Variants in RPA3 observed in about 807,000 individuals in gnomAD.
RPA3 encodes replication protein A 14 kDa subunit.
In RPA3, 24 loss-of-function variants were observed where a neutral mutation model predicts 13.7. That is an observed-to-expected ratio of 1.75 (90% CI 1.27 to 2.46). The LOEUF is 2.46. Among genes scored for constraint, RPA3 ranks in the 30% most tolerant of loss-of-function variants. The probability of loss-of-function intolerance (pLI) is 0.00; values close to 1 mark genes in which losing one functional copy is unlikely to be tolerated. For missense variants in RPA3, 183 were observed against 151.0 expected, an observed-to-expected ratio of 1.21 and a Z score of -1.11; for synonymous variants, 59 against 51.2, an observed-to-expected ratio of 1.15 and a Z score of -0.65.
chr7:7,647,328 G>C (rs1483599858), intron 4 of RPA3, among the ~76,000 whole-genome samples: 3 of 152,074 alleles, frequency 2.0e-5, no homozygotes, highest in Non-Finnish European at 2.9e-5. Flanking sequence ...ATAATCTGAG[G>C]GTATGGTTTG....
At chr7:7,673,501 T>A in intron 4 of RPA3, 1 of 682,404 alleles carries the variant, frequency 1.5e-6, no homozygotes, top group Non-Finnish European at 2.6e-6. Flanking sequence ...ATGTTCTCTT[T>A]AAAAAATTAC....
At chr7:7,659,718 C>A (rs1347384949) in intron 4 of RPA3, among the ~76,000 whole-genome samples, 1 of 152,076 alleles carries the variant, frequency 6.6e-6, no homozygotes, top group East Asian at 1.9e-4. Context: ...GTTTTACTTC[C>A]AATTATGTGG....
intron 4 of RPA3, among the ~76,000 whole-genome samples, chr7:7,648,905 T>C (rs1583691609): frequency 1.3e-5 from 2 of 151,538 alleles, no homozygotes; most frequent in East Asian, 3.9e-4. Flanking sequence ...ACACTTGTAA[T>C]CCCAGCACTT....
At chr7:7,660,925 C>G (rs573554968) in intron 4 of RPA3, among the ~76,000 whole-genome samples, 92 of 152,338 alleles carry the variant, frequency 6.0e-4, no homozygotes, top group African/African-American at 2.0e-3. Context: ...CTCCCTGTCA[C>G]TTTCGGGTAC....
chr7:7,638,018 G>T, intron 6 of RPA3, 46 bp from the exon 7 acceptor site: 2 of 1,471,500 alleles, frequency 1.4e-6, no homozygotes, highest in Non-Finnish European at 1.9e-6. Context: ...CACATTTTCA[G>T]TTGACAATTA....
chr7:7,685,625 T>A (rs1780026608), intron 4 of RPA3, among the ~76,000 whole-genome samples: 1 of 152,194 alleles, frequency 6.6e-6, no homozygotes, highest in Admixed American at 6.5e-5. Flanking sequence ...TCTTTATAAA[T>A]GTGAATTTCT....
chr7:7,652,808 T>G (rs1199033332), intron 4 of RPA3, among the ~76,000 whole-genome samples: 3 of 152,224 alleles, frequency 2.0e-5, no homozygotes, highest in Non-Finnish European at 4.4e-5. Context: ...TAGTAAGCCT[T>G]CTGATGATGC....
chr7:7,651,561 C>T (rs1455864673), intron 4 of RPA3, among the ~76,000 whole-genome samples: 3 of 152,164 alleles, frequency 2.0e-5, no homozygotes, highest in Non-Finnish European at 4.4e-5. Flanking sequence ...TTTCCATCCT[C>T]ATGTTGATCT....
intron 2 of RPA3, among the ~76,000 whole-genome samples, chr7:7,699,103 C>T (rs985660110): frequency 6.6e-6 from 1 of 151,688 alleles, no homozygotes; most frequent in African/African-American, 2.4e-5. Flanking sequence ...TCTTTGCCTG[C>T]CTTGGCTTCC....
At chr7:7,689,993 G>C (rs1780136601) in intron 2 of RPA3, among the ~76,000 whole-genome samples, 1 of 152,124 alleles carries the variant, frequency 6.6e-6, no homozygotes. Flanking sequence ...TAAGAAATTG[G>C]TTGAGGGTTT....
chr7:7,706,469 A>G (rs988486755), intron 2 of RPA3, among the ~76,000 whole-genome samples: 1 of 152,200 alleles, frequency 6.6e-6, no homozygotes, highest in Non-Finnish European at 1.5e-5. Flanking sequence ...CCTATATAAC[A>G]ATGCTAACAA....
Position 7,636,520 on chromosome 7 carries a change from T to C in RPA3, c.*480A>G, listed in dbSNP as rs1480289293. On this transcript the variant is annotated 3_prime_UTR_variant, in exon 8 of 8. Coordinates refer to ENST00000223129, the MANE Select transcript of RPA3 (RefSeq NM_002947.5). ...GGCCAGTCTCTGTTTGCCTTTTTAA[T>C]GTCATCTACTTCATTTTGTAAGTAG... 6.5e-6 allele frequency: 1 copy of C among 154,390 alleles called. No individual in the cohort carries two copies. Among genetic ancestry groups the C allele is most frequent in the Non-Finnish European group, 1.4e-5 (1 of 69,692 alleles). The allele number at this position is 154,390 out of a possible 1,614,324, so 9.6% of individuals were successfully genotyped here.
At chr7:7,676,751 G>A (rs1419738808) in intron 4 of RPA3, among the ~76,000 whole-genome samples, 1 of 152,036 alleles carries the variant, frequency 6.6e-6, no homozygotes. Flanking sequence ...AGTTGAAATT[G>A]GAAGTTGGTA....
In RPA3 at chr7:7,638,966, T is replaced by G. The variant is rs532009768; in HGVS notation, c.174+104A>C. On this transcript the variant is annotated intron_variant, in intron 6 of 7. Coordinates refer to ENST00000223129, the MANE Select transcript of RPA3 (RefSeq NM_002947.5). ...CAGCCAGGGACGTTTTACCAGCTCATCCTTTTTAAATCCATTGCAAAAATT... is the reference window on the plus strand; with the variant it reads ...CAGCCAGGGACGTTTTACCAGCTCAGCCTTTTTAAATCCATTGCAAAAATT... The G allele has an allele frequency of 1.5e-4, 125 of 809,338 alleles. No homozygotes were observed. The South Asian group carries it at 2.9e-3, about 18-fold the overall frequency. 50.1% of individuals were successfully genotyped at this position (809,338 alleles called of 1,614,324 possible). A position where few individuals can be genotyped will look rare whatever the true frequency, so the allele number is the denominator to read the frequency against.
At chr7:7,673,372 A>AG (rs750614406) in intron 4 of RPA3, 5 of 1,094,270 alleles carry the variant, frequency 4.6e-6, no homozygotes, top group Non-Finnish European at 2.7e-6. Flanking sequence ...AGCAGCAGCA[A>AG]TGTTTCACTT....
At chr7:7,693,664 C>T (rs144514178) in intron 2 of RPA3, among the ~76,000 whole-genome samples, 37 of 152,090 alleles carry the variant, frequency 2.4e-4, no homozygotes, top group Middle Eastern at 3.4e-3. Flanking sequence ...TAGTGGATTG[C>T]ACAAATTTAT....
At chr7:7,648,739 G>A (rs554937661) in intron 4 of RPA3, among the ~76,000 whole-genome samples, 1 of 152,138 alleles carries the variant, frequency 6.6e-6, no homozygotes, top group South Asian at 2.1e-4. Context: ...TGTGGTCCTA[G>A]CTACTTGGGA....
In RPA3 at chr7:7,699,365, T is replaced by G. The variant is rs145925206; in HGVS notation, c.-1027-12037A>C. Among the ~76,000 whole-genome samples the G allele has an allele frequency of 1.6e-3, 238 of 152,354 alleles. 1 individual carries two copies. The highest frequency in any genetic ancestry group is 2.0e-3 in the Non-Finnish European group (134 of 68,032). On this transcript the variant is annotated intron_variant, in intron 2 of 7. Coordinates refer to ENST00000223129, the MANE Select transcript of RPA3 (RefSeq NM_002947.5). ...TCACTCATAAACTTGGACCTCAAGT[T>G]AAAAATTTAATATCCTTAGTTCCTT...
intron 2 of RPA3, among the ~76,000 whole-genome samples, chr7:7,700,212 A>C (rs1287498044): frequency 6.6e-6 from 1 of 152,218 alleles, no homozygotes; most frequent in Non-Finnish European, 1.5e-5. Context: ...TTCTGTTCAT[A>C]GATGGCACTT....
Sources: gnomAD v4.1 joint callset for allele counts (sites outside exome capture counted in the v4.1 genomes callset) on GRCh38, gnomAD v4.1.1 for gene constraint, MANE v1.5 for transcripts, NCBI Gene and HGNC (gene_info 2026-07-23, HGNC 2026-07-21) for gene names.